Variants in MACF1 observed in about 807,000 individuals in gnomAD.
MACF1 encodes the protein microtubule-actin cross-linking factor 1.
A neutral mutation model predicts 854.8 loss-of-function variants in MACF1; 193 were observed. The observed-to-expected ratio is 0.23, with a 90% CI of 0.20 to 0.25. The LOEUF is 0.25. Ranked by LOEUF, MACF1 falls within the 10% of genes least tolerant of loss-of-function variation. The pLI is 1.00. For missense variants in MACF1, 7,722 were observed against 8,929.1 expected, an observed-to-expected ratio of 0.86 and a Z score of 5.45; for synonymous variants, 3,185 against 3,226.7, an observed-to-expected ratio of 0.99 and a Z score of 0.44.
intron 38 of MACF1, among the ~76,000 whole-genome samples, chr1:39,338,862 GT>G (rs1229912467): frequency 6.6e-6 from 1 of 152,132 alleles, no homozygotes; most frequent in African/African-American, 2.4e-5. Flanking sequence ...AGCCAGCAGA[GT>G]TTATAGTCAG....
At chr1:39,233,991 C>T (rs1402578328) in intron 2 of MACF1, among the ~76,000 whole-genome samples, 2 of 141,722 alleles carry the variant, frequency 1.4e-5, no homozygotes, top group African/African-American at 5.2e-5. Flanking sequence ...GGTGATGACT[C>T]TTAACGAGCA....
At position 39,337,200 on chromosome 1, in the gene MACF1, C is replaced by T. The variant is rs1646826398; in HGVS notation, c.10084C>T (p.Leu3362Phe). Residue 3362 changes from leucine to phenylalanine, a missense_variant, in exon 38 of 101, where the codon CTC (leucine) becomes TTC (phenylalanine). Leu to Phe is a conservative substitution (Grantham distance 22). Coordinates refer to ENST00000564288, the MANE Select transcript of MACF1 (RefSeq NM_001394062.1). ...RATQNVFTRQ[L>F]CLEHDEKLVS... ...TCCACAGAATGTATTTACCCGGCAA[C>T]TCTGTTTAGAACATGATGAAAAGCT... The T allele has an allele frequency of 6.2e-7, 1 of 1,613,242 alleles. No individual in the cohort carries two copies. Among genetic ancestry groups the T allele is most frequent in the South Asian group, 1.1e-5 (1 of 90,832 alleles).
At chr1:39,220,240 A>G (rs916721852) in intron 1 of MACF1, among the ~76,000 whole-genome samples, 4 of 151,758 alleles carry the variant, frequency 2.6e-5, no homozygotes, top group Non-Finnish European at 5.9e-5. Flanking sequence ...CAGTGGCACA[A>G]TCTCAGCTCG....
intron 2 of MACF1, among the ~76,000 whole-genome samples, chr1:39,158,932 T>G (rs1643743348): frequency 6.6e-6 from 1 of 152,188 alleles, no homozygotes; most frequent in South Asian, 2.1e-4. Flanking sequence ...CCATGGTGCC[T>G]ACTTTCAGCC....
chr1:39,293,814 T>C (rs1220910154), intron 18 of MACF1, among the ~76,000 whole-genome samples, 195 bp downstream of exon 18: 3 of 151,970 alleles, frequency 2.0e-5, no homozygotes, highest in African/African-American at 7.3e-5. Context: ...TTAATTTATC[T>C]AGAATGCATT....
At chr1:39,089,621 C>T (rs1641756710) in intron 2 of MACF1, among the ~76,000 whole-genome samples, 2 of 152,172 alleles carry the variant, frequency 1.3e-5, no homozygotes, top group Non-Finnish European at 2.9e-5. Flanking sequence ...TGGTCAGAAG[C>T]TGGAGCTTAC....
intron 58 of MACF1, among the ~76,000 whole-genome samples, chr1:39,406,738 C>CAAAAAAAAAAAAAAAAAAAAAAA (rs5773658): frequency 6.3e-5 from 2 of 31,818 alleles, no homozygotes; most frequent in African/African-American, 3.0e-4. Context: ...GAGTCTCACT[C>CAAAAAAAAAAAAAAAAAAAAAAA]AAAAAAAAAA....
chr1:39,316,612 A>G, intron 28 of MACF1, 83 bp downstream of exon 28: 4 of 1,372,726 alleles, frequency 2.9e-6, no homozygotes, highest in African/African-American at 1.5e-5. Context: ...TTTGGATGGC[A>G]TGACACTGAT....
At chr1:39,293,993 A>G (rs930129642) in intron 18 of MACF1, among the ~76,000 whole-genome samples, 7 of 152,004 alleles carry the variant, frequency 4.6e-5, no homozygotes, top group Admixed American at 4.6e-4. Context: ...ATCTCTCTGG[A>G]CCTCCATAAA....
intron 44 of MACF1, among the ~76,000 whole-genome samples, chr1:39,355,826 G>A (rs1647510574): frequency 6.6e-6 from 1 of 152,116 alleles, no homozygotes; most frequent in African/African-American, 2.4e-5. Context: ...GCAGTGGTAC[G>A]ATCATAGCTC....
At position 39,458,353 on chromosome 1, in the gene MACF1, T is replaced by A. The variant is rs1350843574; in HGVS notation, c.21076-17T>A. 6.2e-7 allele frequency: 1 copy of A among 1,610,122 alleles called. No homozygotes were observed. Among genetic ancestry groups the A allele is most frequent in the Non-Finnish European group, 8.5e-7 (1 of 1,178,460 alleles). On this transcript the variant is annotated splice_polypyrimidine_tract_variant and intron_variant, in intron 89 of 100. Transcript: ENST00000564288. Reference sequence around the variant, plus strand: ...ATACAATATTTAACTCTTTTTCCTATTTTTTGTGTTTAACAGACATTTATG... The same window carrying A: ...ATACAATATTTAACTCTTTTTCCTAATTTTTGTGTTTAACAGACATTTATG...
At chr1:39,170,344 C>T (rs1416487578) in intron 2 of MACF1, among the ~76,000 whole-genome samples, 1 of 152,124 alleles carries the variant, frequency 6.6e-6, no homozygotes, top group African/African-American at 2.4e-5. Context: ...TTAAATGCTC[C>T]TTACAGAGCA....
rs1435174964 is a variant in MACF1 at position 39,346,664 on chromosome 1, C to T, written c.10582-313C>T. On this transcript the variant is annotated intron_variant, in intron 40 of 100. Transcript: ENST00000564288. ...CCTCCCAAGTAGCTGGGACTACAGG[C>T]GCCTGCCACTACGCCTGGCTAATTT... Among the ~76,000 whole-genome samples, 7 of 151,714 alleles carry T rather than the reference C, an allele frequency of 4.6e-5. No individual in the cohort carries two copies. The East Asian group carries it at 9.9e-4, about 21-fold the overall frequency.
intron 2 of MACF1, among the ~76,000 whole-genome samples, chr1:39,139,612 C>G (rs963496226): frequency 6.6e-6 from 1 of 151,964 alleles, no homozygotes; most frequent in African/African-American, 2.4e-5. Flanking sequence ...TTTGCTCATG[C>G]TGTATCCTGT....
At chr1:39,278,370 T>A (rs938380002) in intron 6 of MACF1, among the ~76,000 whole-genome samples, 2 of 152,240 alleles carry the variant, frequency 1.3e-5, no homozygotes, top group Non-Finnish European at 2.9e-5. Context: ...TTTATTTTTC[T>A]TTCCCTTAGG....
At chr1:39,170,731 C>T (rs1195774864) in intron 2 of MACF1, among the ~76,000 whole-genome samples, 1 of 152,166 alleles carries the variant, frequency 6.6e-6, no homozygotes, top group Non-Finnish European at 1.5e-5. Context: ...AGTCCTTTCC[C>T]TTGTAGAGCT....
intron 6 of MACF1, among the ~76,000 whole-genome samples, chr1:39,279,192 A>G (rs1645496401): frequency 6.6e-6 from 1 of 152,168 alleles, no homozygotes; most frequent in Non-Finnish European, 1.5e-5. Context: ...TCAAGGGCAT[A>G]AGATCCTATG....
intron 2 of MACF1, among the ~76,000 whole-genome samples, chr1:39,241,728 G>C (rs1399764713): frequency 6.6e-6 from 1 of 151,370 alleles, no homozygotes; most frequent in Non-Finnish European, 1.5e-5. Flanking sequence ...ATGTATGGCG[G>C]GGAGGGGGGA....
intron 25 of MACF1, 91 bp downstream of exon 25, chr1:39,310,519 CAT>C: frequency 3.0e-6 from 4 of 1,344,544 alleles, no homozygotes; most frequent in Non-Finnish European, 4.0e-6. Flanking sequence ...GAGAGAGTAA[CAT>C]CACCACTTTT....
Sources: gnomAD v4.1 joint callset for allele counts (sites outside exome capture counted in the v4.1 genomes callset) on GRCh38, gnomAD v4.1.1 for gene constraint, MANE v1.5 for transcripts, NCBI Gene and HGNC (gene_info 2026-07-23, HGNC 2026-07-21) for gene names.